HTR1E: variants seen among roughly 807,000 people sequenced by gnomAD.
HTR1E encodes the protein 5-HT-1E.
In HTR1E, 3 loss-of-function variants were observed where a neutral mutation model predicts 3.4. The ratio of observed to expected loss-of-function variants is 0.89; its 90% confidence interval spans 0.41 to 2.31. The LOEUF is 2.31. Ranked by LOEUF, HTR1E falls within the 30% of genes most tolerant of loss-of-function variation. HTR1E has a pLI of 0.05. For synonymous variants in HTR1E, 170 were observed against 182.8 expected (o/e 0.93, Z 0.56); for missense variants, 392 against 467.0 (o/e 0.84, Z 1.48).
intron 1 of HTR1E, among the ~76,000 whole-genome samples, chr6:87,014,174 G>A (rs1187463856): frequency 6.6e-6 from 1 of 151,630 alleles, no homozygotes; most frequent in African/African-American, 2.4e-5. Context: ...ACGAGTTAAA[G>A]GATGCAGCAA....
chr6:86,979,858 A>G (rs989589541), intron 1 of HTR1E, among the ~76,000 whole-genome samples: 1 of 152,192 alleles, frequency 6.6e-6, no homozygotes, highest in Admixed American at 6.5e-5. Context: ...AAGCTAGCCT[A>G]TTGAGAGTCA....
chr6:86,984,346 A>T (rs1406028945), intron 1 of HTR1E, among the ~76,000 whole-genome samples: 1 of 152,228 alleles, frequency 6.6e-6, no homozygotes, highest in Non-Finnish European at 1.5e-5. Flanking sequence ...ACATAGATTT[A>T]AACTGATCAA....
chr6:86,960,820 T>C (rs1767397460), intron 1 of HTR1E, among the ~76,000 whole-genome samples: 1 of 152,212 alleles, frequency 6.6e-6, no homozygotes, highest in African/African-American at 2.4e-5. Flanking sequence ...CCATGTGGCC[T>C]CAGATCCCTC....
intron 1 of HTR1E, among the ~76,000 whole-genome samples, chr6:86,966,869 TA>T (rs1317980378): frequency 6.6e-6 from 1 of 152,248 alleles, no homozygotes; most frequent in Non-Finnish European, 1.5e-5. Flanking sequence ...TTAAAAGATT[TA>T]AAGAATTTTT....
Position 87,016,629 on chromosome 6 carries a change from T to G in HTR1E, c.*197T>G. 2.1e-6 allele frequency: 1 copy of G among 468,742 alleles called. No individual in the cohort carries two copies. The allele number at this position is 468,742 out of a possible 1,614,324, so 29.0% of individuals were successfully genotyped here. Reference sequence around the variant, plus strand: ...TATTTGGCGTGCTGTTTTCTACCTCTGGTCTTATCTGTGATACATAATTTC... The same window carrying G: ...TATTTGGCGTGCTGTTTTCTACCTCGGGTCTTATCTGTGATACATAATTTC... On this transcript the variant is annotated 3_prime_UTR_variant, in exon 2 of 2. Coordinates refer to ENST00000305344, the MANE Select transcript of HTR1E (RefSeq NM_000865.3).
In HTR1E at chr6:87,002,344, C is replaced by T. The variant is rs111953767; in HGVS notation, c.-185-12806C>T. 3.5e-3 allele frequency among the ~76,000 whole-genome samples: 529 copies of T among 152,224 alleles called. 1 individual carries two copies. Among genetic ancestry groups the T allele is most frequent in the African/African-American group, 0.012 (505 of 41,520 alleles). On this transcript the variant is annotated intron_variant, in intron 1 of 1. Transcript: ENST00000305344. The stretch of plus-strand genomic sequence containing the variant: ...TACAGCTCTTAATGGTGGTGTGGAC[C>T]CAAAGAGTGAGCAACAGCAAGATTT...
At chr6:86,995,683 A>G (rs866500025) in intron 1 of HTR1E, among the ~76,000 whole-genome samples, 799 of 61,114 alleles carry the variant, frequency 0.013, 8 homozygotes, top group African/African-American at 0.029. Context: ...AAAAAAAAAA[A>G]AAAAGAAAAA....
chr6:86,990,759 A>C (rs1365187542), intron 1 of HTR1E, among the ~76,000 whole-genome samples: 1 of 152,224 alleles, frequency 6.6e-6, no homozygotes. Context: ...GAACAAATAA[A>C]GTAGGGGAGA....
intron 1 of HTR1E, among the ~76,000 whole-genome samples, chr6:87,014,813 G>A (rs1768293026): frequency 6.6e-6 from 1 of 152,104 alleles, no homozygotes; most frequent in Non-Finnish European, 1.5e-5. Context: ...GGGGGGTGGA[G>A]GGCTAGGGGA....
chr6:86,969,811 G>A (rs952385399), intron 1 of HTR1E, among the ~76,000 whole-genome samples: 2 of 152,176 alleles, frequency 1.3e-5, no homozygotes, highest in African/African-American at 2.4e-5. Flanking sequence ...CCACACCCCA[G>A]TGAGTGGTTC....
At chr6:86,968,824 C>A (rs1186400536) in intron 1 of HTR1E, among the ~76,000 whole-genome samples, 3 of 151,816 alleles carry the variant, frequency 2.0e-5, no homozygotes, top group African/African-American at 7.3e-5. Flanking sequence ...ATTAATCAAT[C>A]TTTTGTGGCC....
intron 1 of HTR1E, among the ~76,000 whole-genome samples, chr6:86,980,800 G>A (rs11963002): frequency 0.14 from 21,190 of 151,990 alleles, 1,823 homozygotes; most frequent in East Asian, 0.27. Context: ...CAATTGTTTT[G>A]ATTCCATCTC....
chr6:86,946,850 C>T (rs1389662756), intron 1 of HTR1E, among the ~76,000 whole-genome samples: 1 of 152,182 alleles, frequency 6.6e-6, no homozygotes, highest in Admixed American at 6.5e-5. Context: ...GGCACGGTGG[C>T]TCACACCTGT....
At chr6:86,959,870 G>C (rs1767381342) in intron 1 of HTR1E, among the ~76,000 whole-genome samples, 1 of 152,150 alleles carries the variant, frequency 6.6e-6, no homozygotes, top group African/African-American at 2.4e-5. Context: ...TAAAGCTGCA[G>C]GCAAAGATAA....
intron 1 of HTR1E, among the ~76,000 whole-genome samples, chr6:86,992,361 C>G (rs1056287116): frequency 6.6e-6 from 1 of 152,100 alleles, no homozygotes; most frequent in Admixed American, 6.6e-5. Context: ...AAGGCCTGGG[C>G]ATAGCTTGTA....
At chr6:87,008,894 G>GT (rs1173056260) in intron 1 of HTR1E, among the ~76,000 whole-genome samples, 4 of 152,002 alleles carry the variant, frequency 2.6e-5, no homozygotes, top group Non-Finnish European at 4.4e-5. Context: ...AATCACAATC[G>GT]TGTCTCCTCC....
chr6:86,959,819 G>A (rs1333962973), intron 1 of HTR1E, among the ~76,000 whole-genome samples: 1 of 152,106 alleles, frequency 6.6e-6, no homozygotes, highest in Non-Finnish European at 1.5e-5. Context: ...AGCCATAGGA[G>A]CCCTTTCCTC....
chr6:86,972,145 T>C (rs1234872133), intron 1 of HTR1E, among the ~76,000 whole-genome samples: 1 of 152,240 alleles, frequency 6.6e-6, no homozygotes, highest in South Asian at 2.1e-4. Context: ...TGTAAAATTT[T>C]ATATCACTTG....
chr6:86,991,656 T>A (rs182333729), intron 1 of HTR1E, among the ~76,000 whole-genome samples: 89 of 152,270 alleles, frequency 5.8e-4, no homozygotes, highest in African/African-American at 1.9e-3. Flanking sequence ...GGAAAAGTGA[T>A]GTTTGTTCAG....
Sources: gnomAD v4.1 joint callset for allele counts (sites outside exome capture counted in the v4.1 genomes callset) on GRCh38, gnomAD v4.1.1 for gene constraint, MANE v1.5 for transcripts, NCBI Gene and HGNC (gene_info 2026-07-23, HGNC 2026-07-21) for gene names.